Variants in PRRX2 observed in about 807,000 individuals in gnomAD.
The protein encoded by PRRX2 is paired related homeobox 2.
A neutral mutation model predicts 18.0 loss-of-function variants in PRRX2; 11 were observed. The ratio of observed to expected loss-of-function variants is 0.61; its 90% confidence interval spans 0.39 to 1.01. The LOEUF (loss-of-function observed/expected upper bound fraction) is 1.01. Among genes scored for constraint, PRRX2 ranks in the 50% least tolerant of loss-of-function variants. The pLI, the probability that PRRX2 is intolerant of heterozygous loss-of-function variation, is 0.01. For synonymous variants in PRRX2, 177 were observed against 154.8 expected (o/e 1.14, Z -1.06); for missense variants, 387 against 351.0 (o/e 1.10, Z -0.82).
intron 1 of PRRX2, among the ~76,000 whole-genome samples, chr9:129,681,578 G>A (rs1414780797): frequency 6.6e-6 from 1 of 152,090 alleles, no homozygotes; most frequent in African/African-American, 2.4e-5. Context: ...TTGTGGATGC[G>A]GCAGCAGGTG....
intron 1 of PRRX2, among the ~76,000 whole-genome samples, chr9:129,679,562 G>A (rs1209934960): frequency 6.6e-6 from 1 of 152,200 alleles, no homozygotes; most frequent in African/African-American, 2.4e-5. Context: ...GTACGTGGGG[G>A]CACCAGGCCT....
intron 1 of PRRX2, among the ~76,000 whole-genome samples, chr9:129,710,550 G>C (rs1832606319): frequency 6.6e-6 from 1 of 152,154 alleles, no homozygotes; most frequent in Non-Finnish European, 1.5e-5. Context: ...TGGCCAACAT[G>C]GTGAAACCCC....
intron 1 of PRRX2, among the ~76,000 whole-genome samples, chr9:129,699,535 G>A (rs567232109): frequency 6.6e-6 from 1 of 152,116 alleles, no homozygotes; most frequent in Non-Finnish European, 1.5e-5. Flanking sequence ...GAGAAGGCTT[G>A]TAATGGTGTA....
intron 1 of PRRX2, among the ~76,000 whole-genome samples, chr9:129,717,178 C>G (rs1396459538): frequency 6.6e-6 from 1 of 152,144 alleles, no homozygotes; most frequent in Non-Finnish European, 1.5e-5. Flanking sequence ...TCTGGAGTAA[C>G]TGGGATTCCA....
Position 129,671,076 on chromosome 9 carries a change from G to A in PRRX2, c.259+4950G>A, listed in dbSNP as rs1832093772. Among the ~76,000 whole-genome samples the A allele has an allele frequency of 1.3e-5, 2 of 152,218 alleles. No homozygotes were observed. The highest frequency in any genetic ancestry group is 6.5e-5 in the Admixed American group (1 of 15,284). ...CGTACAAGGGTTGGGAGGCCCTCCC[G>A]ACTGAGATGATTTGACTCAGGCTTA... On this transcript the variant is annotated intron_variant, in intron 1 of 3. Transcript: ENST00000372469. The surrounding 1 kb of genome is among the most constrained non-coding windows in gnomAD (Gnocchi z 4.0).
chr9:129,717,230 CTTTGT>C (rs938390388), intron 1 of PRRX2, among the ~76,000 whole-genome samples: 14 of 151,872 alleles, frequency 9.2e-5, no homozygotes, highest in Non-Finnish European at 1.8e-4. Flanking sequence ...TTGTCTTTGT[CTTTGT>C]TTTGTTTTGT....
rs1832412773 is a variant in PRRX2 at position 129,695,748 on chromosome 9, T to G, written c.260-23483T>G. 6.6e-6 allele frequency among the ~76,000 whole-genome samples: 1 copy of G among 152,192 alleles called. No homozygotes were observed. Among genetic ancestry groups the G allele is most frequent in the Non-Finnish European group, 1.5e-5 (1 of 68,024 alleles). Reference sequence around the variant, plus strand: ...CCAGGCCATTATGGGCCTCACTACCTTTAGGCGGGGAACTTTTTAAAAGTG... The same window carrying G: ...CCAGGCCATTATGGGCCTCACTACCGTTAGGCGGGGAACTTTTTAAAAGTG... On this transcript the variant is annotated intron_variant, in intron 1 of 3. Coordinates refer to ENST00000372469, the MANE Select transcript of PRRX2 (RefSeq NM_016307.4). The surrounding 1 kb of genome is among the most constrained non-coding windows in gnomAD (Gnocchi z 4.8).
intron 1 of PRRX2, among the ~76,000 whole-genome samples, chr9:129,688,665 C>T (rs1832322596): frequency 6.6e-6 from 1 of 152,154 alleles, no homozygotes; most frequent in Non-Finnish European, 1.5e-5. Context: ...TGGCATGGGC[C>T]CCAAAGAGAC....
At chr9:129,692,094 C>T (rs920184779) in intron 1 of PRRX2, among the ~76,000 whole-genome samples, 1 of 151,690 alleles carries the variant, frequency 6.6e-6, no homozygotes, top group Admixed American at 6.6e-5. Flanking sequence ...TACAGGTACA[C>T]ACCACCACGC....
intron 1 of PRRX2, among the ~76,000 whole-genome samples, chr9:129,682,091 T>G (rs991275655): frequency 1.4e-4 from 21 of 152,166 alleles, no homozygotes; most frequent in South Asian, 8.3e-4. Context: ...GCCCGTGGCC[T>G]CCTCCTGTGC....
At chr9:129,707,871 G>A (rs1832576108) in intron 1 of PRRX2, among the ~76,000 whole-genome samples, 2 of 152,042 alleles carry the variant, frequency 1.3e-5, no homozygotes, top group Admixed American at 1.3e-4. Flanking sequence ...TTTCTCCTGC[G>A]TCTGTACCTA....
chr9:129,669,603 C>T (rs1832075574), intron 1 of PRRX2, among the ~76,000 whole-genome samples: 1 of 152,172 alleles, frequency 6.6e-6, no homozygotes, highest in African/African-American at 2.4e-5. Context: ...GCAGGAGAAA[C>T]CTTGGGATCC....
chr9:129,697,619 C>A (rs1406382211), intron 1 of PRRX2, among the ~76,000 whole-genome samples: 1 of 151,850 alleles, frequency 6.6e-6, no homozygotes, highest in Non-Finnish European at 1.5e-5. Context: ...GGATTTCGGA[C>A]CGACCCCAGA....
intron 1 of PRRX2, among the ~76,000 whole-genome samples, chr9:129,698,270 G>C (rs1176916351): frequency 5.1e-5 from 6 of 117,726 alleles, no homozygotes; most frequent in East Asian, 3.3e-4. Context: ...GGGGGGGGGG[G>C]GGCGGGGGCA....
chr9:129,721,464 T>TG (rs1273074675), intron 3 of PRRX2, among the ~76,000 whole-genome samples: 1 of 152,116 alleles, frequency 6.6e-6, no homozygotes, highest in Non-Finnish European at 1.5e-5. Context: ...CATGGTCATG[T>TG]GGGGGGACAG....
intron 2 of PRRX2, among the ~76,000 whole-genome samples, chr9:129,719,773 G>A (rs1242148677): frequency 6.6e-6 from 1 of 152,194 alleles, no homozygotes; most frequent in African/African-American, 2.4e-5. Flanking sequence ...GATCACTTGA[G>A]GCTAGGAATT....
Position 129,709,240 on chromosome 9 carries a change from C to T in PRRX2, c.260-9991C>T, listed in dbSNP as rs1017980413. On this transcript the variant is annotated intron_variant, in intron 1 of 3. Coordinates refer to ENST00000372469, the MANE Select transcript of PRRX2 (RefSeq NM_016307.4). The surrounding 1 kb of genome is among the most constrained non-coding windows in gnomAD (Gnocchi z 4.2). The stretch of plus-strand genomic sequence containing the variant: ...GCTCCTGCTGGGTCACTGGCCCCTC[C>T]GCTTTCTTGTGGGTCTGGTGGCCCC... Among the ~76,000 whole-genome samples the T allele has an allele frequency of 9.2e-5, 14 of 152,208 alleles. No individual in the cohort carries two copies. The highest frequency in any genetic ancestry group is 1.7e-4 in the African/African-American group (7 of 41,452).
At chr9:129,666,246 G>A in intron 1 of PRRX2, 120 bp downstream of exon 1, 2 of 802,540 alleles carry the variant, frequency 2.5e-6, no homozygotes, top group Non-Finnish European at 3.0e-6. Flanking sequence ...GTCGGCGGCA[G>A]GACTTCTGGG....
intron 1 of PRRX2, among the ~76,000 whole-genome samples, chr9:129,696,552 C>T (rs1172556642): frequency 6.6e-6 from 1 of 152,046 alleles, no homozygotes; most frequent in African/African-American, 2.4e-5. Context: ...CTCCAGCCTG[C>T]GCCACAGAGT....
Sources: allele counts gnomAD v4.1 joint callset (sites outside exome capture counted in the v4.1 genomes callset), GRCh38; gene constraint gnomAD v4.1.1; non-coding constraint Gnocchi (gnomAD v3.1); transcripts MANE v1.5; gene names NCBI Gene and HGNC (gene_info 2026-07-23, HGNC 2026-07-21).